The following GALNTL6 variants were observed in gnomAD, a reference collection of about 807,000 sequenced individuals.
The protein encoded by GALNTL6 is polypeptide N-acetylgalactosaminyltransferase like 6, also known as polypeptide N-acetylgalactosaminyltransferase-like 6.
A neutral mutation model predicts 73.7 loss-of-function variants in GALNTL6; 46 were observed. That is an observed-to-expected ratio of 0.62 (90% CI 0.49 to 0.80). The LOEUF is 0.80. Among genes scored for constraint, GALNTL6 ranks in the 30% least tolerant of loss-of-function variants. The pLI is 0.00. For synonymous variants in GALNTL6, 259 were observed against 263.7 expected (o/e 0.98, Z 0.17); for missense variants, 604 against 755.0 (o/e 0.80, Z 2.34).
chr4:172,091,844 G>A (rs982147583), intron 2 of GALNTL6, among the ~76,000 whole-genome samples: 1 of 152,168 alleles, frequency 6.6e-6, no homozygotes, highest in Non-Finnish European at 1.5e-5. Flanking sequence ...GACAGTGAGA[G>A]AGACAGAGAA....
intron 5 of GALNTL6, among the ~76,000 whole-genome samples, chr4:172,354,436 G>A (rs1401295916): frequency 1.3e-5 from 2 of 152,010 alleles, no homozygotes; most frequent in Non-Finnish European, 2.9e-5. Flanking sequence ...TTTGTATATC[G>A]TGTTGCATAA....
chr4:171,886,235 A>AT (rs1373676956), intron 2 of GALNTL6, among the ~76,000 whole-genome samples: 1 of 152,210 alleles, frequency 6.6e-6, no homozygotes, highest in Non-Finnish European at 1.5e-5. Flanking sequence ...ACTCAAAAAA[A>AT]GCATTTCCAA....
intron 5 of GALNTL6, among the ~76,000 whole-genome samples, chr4:172,696,680 C>T (rs939756876): frequency 6.6e-6 from 1 of 152,196 alleles, no homozygotes; most frequent in East Asian, 1.9e-4. Context: ...GCCTTTGCTG[C>T]TCCTTCATCT....
At chr4:172,549,039 A>G (rs2110894389) in intron 5 of GALNTL6, among the ~76,000 whole-genome samples, 1 of 152,310 alleles carries the variant, frequency 6.6e-6, no homozygotes, top group African/African-American at 2.4e-5. Context: ...TATTATTGAA[A>G]TATAATTTTC....
chr4:172,396,282 G>A (rs78341549), intron 5 of GALNTL6, among the ~76,000 whole-genome samples: 3,097 of 150,578 alleles, frequency 0.021, 99 homozygotes, highest in African/African-American at 0.071. Context: ...GATCTAAAGC[G>A]TGCGTAACTG....
chr4:172,457,590 C>A (rs1017678782), intron 5 of GALNTL6, among the ~76,000 whole-genome samples: 1 of 152,052 alleles, frequency 6.6e-6, no homozygotes, highest in Non-Finnish European at 1.5e-5. Context: ...AGACTTTAAA[C>A]CAACAAAGAT....
intron 9 of GALNTL6, among the ~76,000 whole-genome samples, chr4:172,945,796 A>C (rs1749138056): frequency 6.6e-6 from 1 of 152,178 alleles, no homozygotes; most frequent in African/African-American, 2.4e-5. Flanking sequence ...CACTGACTTC[A>C]AAGAAGTGCT....
In GALNTL6 at chr4:171,893,585, AT is replaced by A. The variant is rs1426782472; in HGVS notation, c.138+78872del. Among the ~76,000 whole-genome samples the A allele has an allele frequency of 2.0e-5, 3 of 152,182 alleles. No individual in the cohort carries two copies. The East Asian group carries it at 5.8e-4, about 29-fold the overall frequency. On this transcript the variant is annotated intron_variant, in intron 2 of 12. Coordinates refer to ENST00000506823, the MANE Select transcript of GALNTL6 (RefSeq NM_001034845.3). ...CCAATATCTGTGTTCCTGAATCAAC[AT>A]TTTTATTTATGTAATATTATTGAAT...
chr4:172,963,202 A>G (rs965817406), intron 10 of GALNTL6, among the ~76,000 whole-genome samples: 1 of 151,976 alleles, frequency 6.6e-6, no homozygotes, highest in Non-Finnish European at 1.5e-5. Context: ...TGCAGCTTAG[A>G]ATCCTCCAGT....
chr4:172,313,420 T>C (rs1170834495), intron 4 of GALNTL6, among the ~76,000 whole-genome samples: 2 of 151,782 alleles, frequency 1.3e-5, no homozygotes, highest in Non-Finnish European at 2.9e-5. Context: ...CCGTGCCCGG[T>C]CCCCACCCCA....
chr4:172,171,980 A>G (rs756556254), intron 2 of GALNTL6, among the ~76,000 whole-genome samples: 3 of 152,168 alleles, frequency 2.0e-5, no homozygotes, highest in Non-Finnish European at 4.4e-5. Context: ...TAGAAGCATC[A>G]CATCTCAAAG....
intron 2 of GALNTL6, among the ~76,000 whole-genome samples, chr4:171,999,145 A>G (rs17282964): frequency 2.0e-5 from 3 of 152,076 alleles, no homozygotes; most frequent in African/African-American, 7.2e-5. Flanking sequence ...CCTGATTCCT[A>G]TGTTATTTAC....
intron 5 of GALNTL6, among the ~76,000 whole-genome samples, chr4:172,366,687 A>G (rs1019184979): frequency 6.6e-6 from 1 of 152,112 alleles, no homozygotes; most frequent in African/African-American, 2.4e-5. Flanking sequence ...GTGAATAATC[A>G]TCCTCCTCCC....
intron 2 of GALNTL6, among the ~76,000 whole-genome samples, chr4:172,120,733 T>C (rs1189945909): frequency 6.6e-6 from 1 of 152,112 alleles, no homozygotes; most frequent in African/African-American, 2.4e-5. Context: ...CATAGAATTC[T>C]GAAACTTTCC....
chr4:171,972,038 G>C (rs1053085988), intron 2 of GALNTL6, among the ~76,000 whole-genome samples: 1 of 152,042 alleles, frequency 6.6e-6, no homozygotes, highest in Admixed American at 6.6e-5. Flanking sequence ...ATCCACTGTG[G>C]TGCAATAATT....
intron 5 of GALNTL6, among the ~76,000 whole-genome samples, chr4:172,556,250 C>A (rs1362550826): frequency 6.6e-6 from 1 of 151,628 alleles, no homozygotes; most frequent in East Asian, 1.9e-4. Flanking sequence ...GTGAATGTAC[C>A]TTTTTCCTTC....
At chr4:172,575,322 T>C (rs1736919620) in intron 5 of GALNTL6, among the ~76,000 whole-genome samples, 1 of 152,318 alleles carries the variant, frequency 6.6e-6, no homozygotes, top group South Asian at 2.1e-4. Context: ...TTCCATCATA[T>C]GTTAAGAATT....
intron 5 of GALNTL6, among the ~76,000 whole-genome samples, chr4:172,598,574 C>T (rs1737946164): frequency 6.6e-6 from 1 of 152,030 alleles, no homozygotes; most frequent in African/African-American, 2.4e-5. Flanking sequence ...CCCTCTCCCT[C>T]CCACCCCTCA....
intron 2 of GALNTL6, among the ~76,000 whole-genome samples, chr4:171,985,122 A>G (rs1040954272): frequency 2.0e-5 from 3 of 152,124 alleles, no homozygotes; most frequent in Non-Finnish European, 2.9e-5. Context: ...AACTGGCTTG[A>G]TAAAAAAAAT....
Sources: gnomAD v4.1 joint callset for allele counts (sites outside exome capture counted in the v4.1 genomes callset) on GRCh38, gnomAD v4.1.1 for gene constraint, MANE v1.5 for transcripts, NCBI Gene and HGNC (gene_info 2026-07-23, HGNC 2026-07-21) for gene names.